The following EXOC4 variants were observed in gnomAD, a reference collection of about 807,000 sequenced individuals.
EXOC4 encodes exocyst complex component 4.
Under a neutral mutation model 107.2 loss-of-function variants are expected in EXOC4, and 71 were observed. The observed-to-expected ratio is 0.66, with a 90% CI of 0.55 to 0.81. The LOEUF is 0.81. Among genes scored for constraint, EXOC4 ranks in the 30% least tolerant of loss-of-function variants. The pLI is 0.00. For missense variants in EXOC4, 1,108 were observed against 1,189.6 expected, an observed-to-expected ratio of 0.93 and a Z score of 1.01; for synonymous variants, 456 against 441.2, an observed-to-expected ratio of 1.03 and a Z score of -0.42.
intron 11 of EXOC4, among the ~76,000 whole-genome samples, chr7:133,885,217 G>C (rs1799055859): frequency 6.6e-6 from 1 of 151,956 alleles, no homozygotes; most frequent in African/African-American, 2.4e-5. Context: ...GGGAGGCTGA[G>C]GCAGGAGAAT....
At chr7:133,917,452 C>A in intron 12 of EXOC4, 131 bp from the exon 13 acceptor site, 2 of 845,678 alleles carry the variant, frequency 2.4e-6, no homozygotes, top group South Asian at 4.2e-5. Context: ...TGGACTCCAA[C>A]TTAGATAATG....
chr7:133,325,920 C>CT (rs1419898249), intron 5 of EXOC4, among the ~76,000 whole-genome samples: 2 of 152,122 alleles, frequency 1.3e-5, no homozygotes, highest in Non-Finnish European at 2.9e-5. Flanking sequence ...TCTTTTTACT[C>CT]TTTTTTCTCT....
chr7:133,998,627 A>G (rs1371827706), intron 15 of EXOC4, among the ~76,000 whole-genome samples: 1 of 152,156 alleles, frequency 6.6e-6, no homozygotes, highest in African/African-American at 2.4e-5. Flanking sequence ...CTGGAGCCCA[A>G]TCCTGTGGAG....
At chr7:133,613,414 T>C (rs980876097) in intron 9 of EXOC4, among the ~76,000 whole-genome samples, 2 of 152,164 alleles carry the variant, frequency 1.3e-5, no homozygotes, top group Non-Finnish European at 2.9e-5. Context: ...ACTAATCATC[T>C]CCCTGTGAGC....
At chr7:133,710,314 G>A in intron 10 of EXOC4, among the ~76,000 whole-genome samples, 1 of 152,090 alleles carries the variant, frequency 6.6e-6, no homozygotes, top group East Asian at 1.9e-4. Context: ...GTTTGAATGG[G>A]GATTTCACTC....
chr7:133,708,160 A>C (rs1439017072), intron 10 of EXOC4, among the ~76,000 whole-genome samples: 2 of 152,196 alleles, frequency 1.3e-5, no homozygotes, highest in Non-Finnish European at 2.9e-5. Context: ...TCCTTGTTAC[A>C]AGGAGAAAAA....
At chr7:133,289,806 C>A (rs1374598438) in intron 3 of EXOC4, among the ~76,000 whole-genome samples, 2 of 152,176 alleles carry the variant, frequency 1.3e-5, no homozygotes, top group African/African-American at 2.4e-5. Flanking sequence ...TTCTCCCTTC[C>A]CTTTTACCCA....
chr7:133,869,932 G>A (rs1798716743), intron 11 of EXOC4, among the ~76,000 whole-genome samples: 1 of 152,188 alleles, frequency 6.6e-6, no homozygotes, highest in African/African-American at 2.4e-5. Flanking sequence ...TTGATCCAAG[G>A]TGCTCTGCTA....
At chr7:133,827,540 A>C (rs1414287166) in intron 11 of EXOC4, among the ~76,000 whole-genome samples, 1 of 152,220 alleles carries the variant, frequency 6.6e-6, no homozygotes, top group East Asian at 1.9e-4. Flanking sequence ...ACTAGAGATA[A>C]ACATTATTTT....
At chr7:133,319,627 T>G (rs1408811421) in intron 5 of EXOC4, among the ~76,000 whole-genome samples, 1 of 152,030 alleles carries the variant, frequency 6.6e-6, no homozygotes, top group East Asian at 1.9e-4. Flanking sequence ...GTAGCTGGGA[T>G]TACAGGCGTG....
chr7:133,759,440 T>C (rs1266253183), intron 10 of EXOC4, among the ~76,000 whole-genome samples: 3 of 152,228 alleles, frequency 2.0e-5, no homozygotes, highest in Non-Finnish European at 4.4e-5. Flanking sequence ...GCACTGTGTC[T>C]CAGGCACAGA....
intron 9 of EXOC4, among the ~76,000 whole-genome samples, chr7:133,517,698 T>G (rs953282807): frequency 1.6e-5 from 1 of 63,358 alleles, no homozygotes; most frequent in African/African-American, 4.1e-5. Flanking sequence ...CATGATTCAA[T>G]TACCCCCCAC....
chr7:133,620,368 A>C (rs1802301629), intron 9 of EXOC4, among the ~76,000 whole-genome samples: 1 of 152,118 alleles, frequency 6.6e-6, no homozygotes, highest in African/African-American at 2.4e-5. Flanking sequence ...CAAAAAACCT[A>C]GCATTAGGGT....
At chr7:134,073,500 T>C in the EXOC4 span, among the ~76,000 whole-genome samples, 7 of 151,950 alleles carry the variant, frequency 4.6e-5, no homozygotes, top group Admixed American at 3.9e-4. Context: ...CTCTGAAGGC[T>C]CCACTACCCT....
chr7:133,355,184 G>A (rs1205803770), intron 5 of EXOC4, among the ~76,000 whole-genome samples: 1 of 152,154 alleles, frequency 6.6e-6, no homozygotes, highest in African/African-American at 2.4e-5. Context: ...AGAATGGCTT[G>A]TAGTCTGAGT....
intron 5 of EXOC4, among the ~76,000 whole-genome samples, chr7:133,323,424 G>A (rs1795161859): frequency 6.6e-6 from 1 of 152,056 alleles, no homozygotes; most frequent in Non-Finnish European, 1.5e-5. Context: ...AGCGTAAAGG[G>A]GTGTTGAATT....
intron 10 of EXOC4, among the ~76,000 whole-genome samples, chr7:133,734,903 AT>A (rs1420734088): frequency 1.3e-5 from 2 of 151,748 alleles, no homozygotes. Context: ...GACTCACTTC[AT>A]TGTCTGTATA....
At chr7:133,626,523 G>A (rs952916988) in intron 9 of EXOC4, among the ~76,000 whole-genome samples, 2 of 152,192 alleles carry the variant, frequency 1.3e-5, no homozygotes, top group African/African-American at 4.8e-5. Flanking sequence ...AAGAGTATAT[G>A]AGGTTCCTGT....
chr7:133,707,881 T>G (rs1794802873), intron 10 of EXOC4, among the ~76,000 whole-genome samples: 1 of 152,110 alleles, frequency 6.6e-6, no homozygotes, highest in African/African-American at 2.4e-5. Flanking sequence ...CATGAGTCAC[T>G]GTGCCTGGCC....
Sources: allele counts gnomAD v4.1 joint callset (sites outside exome capture counted in the v4.1 genomes callset), GRCh38; gene constraint gnomAD v4.1.1; transcripts MANE v1.5; gene names NCBI Gene and HGNC (gene_info 2026-07-23, HGNC 2026-07-21).